Variants in RPS6KA6 observed in about 807,000 individuals in gnomAD.
The protein encoded by RPS6KA6 is ribosomal protein S6 kinase A6.
A neutral mutation model predicts 65.4 loss-of-function variants in RPS6KA6; 27 were observed. That is an observed-to-expected ratio of 0.41 (90% CI 0.30 to 0.57). RPS6KA6 has a LOEUF of 0.57. Ranked by LOEUF, RPS6KA6 falls within the 20% of genes least tolerant of loss-of-function variation. The pLI is 0.24. For missense variants in RPS6KA6, 486 were observed against 555.6 expected (o/e 0.87, Z 1.26); for synonymous variants, 190 against 184.2 (o/e 1.03, Z -0.26).
In RPS6KA6 at chrX:84,154,530, TA is replaced by T. The variant is rs760610461; in HGVS notation, c.258+1544del. Among the ~76,000 whole-genome samples, 472 of 111,488 alleles carry T rather than the reference TA, an allele frequency of 4.2e-3. 1 individual carries two copies. Among genetic ancestry groups the T allele is most frequent in the African/African-American group, 0.015 (456 of 30,729 alleles). On this transcript the variant is annotated intron_variant, in intron 3 of 21. Transcript: ENST00000262752. ...CTCTGTTCTTCTAAAATTAACACCA[TA>T]AAAATAGCTATAAAGTGCAAAATAG...
At chrX:84,123,360 G>A (rs754162382) in intron 8 of RPS6KA6, among the ~76,000 whole-genome samples, 20 of 112,849 alleles carry the variant, frequency 1.8e-4, no homozygotes, top group South Asian at 7.3e-4. Context: ...CCACAGTGGG[G>A]TAGGCCAATA....
At chrX:84,105,914 C>T (rs376350814) in intron 15 of RPS6KA6, 38 bp from the exon 16 acceptor site, 1 of 793,243 alleles carries the variant, frequency 1.3e-6, no homozygotes, top group Non-Finnish European at 1.9e-6. Flanking sequence ...CTGAGGCAAA[C>T]AAATTATTTT....
intron 12 of RPS6KA6, among the ~76,000 whole-genome samples, chrX:84,108,618 A>T (rs993315639): frequency 9.4e-6 from 1 of 106,938 alleles, no homozygotes; most frequent in Non-Finnish European, 2.0e-5. Flanking sequence ...ATTCTGCCAC[A>T]GACTTTCAAT....
rs1360623613 is a variant in RPS6KA6, at chrX:84,063,679, T to C, written c.*598A>G. ...TGAGATATAATTCTTCTATAAAAAC[T>C]TTGGCACCAACTATATCAAGAATTC... On this transcript the variant is annotated 3_prime_UTR_variant, in exon 22 of 22. Transcript: ENST00000262752. The C allele has an allele frequency of 1.8e-5, 2 of 112,026 alleles. No individual in the cohort carries two copies. The highest frequency in any genetic ancestry group is 3.8e-5 in the Non-Finnish European group (2 of 53,157). The allele number at this position is 112,026 out of a possible 1,213,427, so 9.2% of individuals were successfully genotyped here. A position where few individuals can be genotyped will look rare whatever the true frequency, so the allele number is the denominator to read the frequency against.
At chrX:84,142,099 T>G in intron 6 of RPS6KA6, among the ~76,000 whole-genome samples, 1 of 111,103 alleles carries the variant, frequency 9.0e-6, no homozygotes, top group South Asian at 3.8e-4. Flanking sequence ...ATGGAACATT[T>G]ACCAAGATAC....
chrX:84,071,633 A>T (rs1218411997), intron 20 of RPS6KA6, among the ~76,000 whole-genome samples: 2 of 110,914 alleles, frequency 1.8e-5, no homozygotes, highest in East Asian at 2.8e-4. Flanking sequence ...AATAGAGAAT[A>T]AAAAAAATGA....
At chrX:84,076,106 C>G (rs756641468) in intron 20 of RPS6KA6, among the ~76,000 whole-genome samples, 1 of 111,818 alleles carries the variant, frequency 8.9e-6, no homozygotes. Flanking sequence ...AATGCCAGTG[C>G]TCACTCAAGA....
intron 20 of RPS6KA6, 78 bp from the exon 21 acceptor site, chrX:84,065,189 G>A (rs1369169738): frequency 3.0e-6 from 2 of 661,322 alleles, no homozygotes; most frequent in Admixed American, 6.7e-5. Flanking sequence ...AAATGTGACA[G>A]CATCAATAGC....
chrX:84,097,856 AG>A lies in RPS6KA6; in HGVS notation c.1777-9del. On this transcript the variant is annotated splice_polypyrimidine_tract_variant and intron_variant, in intron 18 of 21. Transcript: ENST00000262752. Reference sequence around the variant, plus strand: ...TCCCTGTTGCATAAGAACCTAAGAAAGAAATACTCATTATATGGTGTTACTC... The same window carrying A: ...TCCCTGTTGCATAAGAACCTAAGAAAAAATACTCATTATATGGTGTTACTC... 1 of 1,137,996 alleles carries A rather than the reference AG, an allele frequency of 8.8e-7. No homozygotes were observed. The highest frequency in any genetic ancestry group is 1.8e-5 in the African/African-American group (1 of 56,349). 93.8% of individuals were successfully genotyped at this position (1,137,996 alleles called of 1,213,427 possible).
chrX:84,059,114 C>CTTTTTTTTTTTTTTTTTTT lies in RPS6KA6; in HGVS notation c.*5144_*5162dup, dbSNP rs200378989. 2 of 28,293 alleles carry CTTTTTTTTTTTTTTTTTTT rather than the reference C, an allele frequency of 7.1e-5. No homozygotes were observed. The highest frequency in any genetic ancestry group is 5.6e-4 in the Admixed American group (1 of 1,788). The allele number at this position is 28,293 out of a possible 1,213,427, so 2.3% of individuals were successfully genotyped here. A position where few individuals can be genotyped will look rare whatever the true frequency, so the allele number is the denominator to read the frequency against. ...AACTTTTTAAATGGCTGTTTCTTTTCTTTTTTTTTTTTTTTTTTTTTTTTT... is the reference window on the plus strand; with the variant it reads ...AACTTTTTAAATGGCTGTTTCTTTTCTTTTTTTTTTTTTTTTTTTTTTTTTTTTTTTTTTTTTTTTTTTT... On this transcript the variant is annotated 3_prime_UTR_variant, in exon 22 of 22. Coordinates refer to ENST00000262752, the MANE Select transcript of RPS6KA6 (RefSeq NM_014496.5).
intron 17 of RPS6KA6, among the ~76,000 whole-genome samples, chrX:84,103,440 T>C (rs73515444): frequency 0.037 from 4,085 of 111,270 alleles, 184 homozygotes; most frequent in African/African-American, 0.12. Context: ...GTACTCTCTA[T>C]TTCATGTAAG....
At chrX:84,107,092 T>C in intron 13 of RPS6KA6, 52 bp from the exon 14 acceptor site, 10 of 1,024,363 alleles carry the variant, frequency 9.8e-6, no homozygotes, top group South Asian at 7.6e-5. Flanking sequence ...AATTCTATGA[T>C]ATAAAGTGTC....
chrX:84,080,067 A>G (rs1196758133), intron 20 of RPS6KA6, among the ~76,000 whole-genome samples: 1 of 110,227 alleles, frequency 9.1e-6, no homozygotes, highest in Non-Finnish European at 1.9e-5. Flanking sequence ...AACACCTCAT[A>G]CAGGAGAGCT....
intron 8 of RPS6KA6, among the ~76,000 whole-genome samples, chrX:84,121,141 T>C (rs1020665589): frequency 2.7e-5 from 3 of 112,362 alleles, no homozygotes; most frequent in Admixed American, 9.4e-5. Flanking sequence ...CAGGAAGCGT[T>C]ACATGAGCAC....
At chrX:84,169,284 AC>A (rs1320642708) in intron 1 of RPS6KA6, among the ~76,000 whole-genome samples, 1 of 111,836 alleles carries the variant, frequency 8.9e-6, no homozygotes, top group African/African-American at 3.2e-5. Flanking sequence ...TAAAGCACTT[AC>A]AAATATGCGG....
In RPS6KA6 at chrX:84,095,647, T is replaced by C. The variant is rs550088533; in HGVS notation, c.1971+547A>G. On this transcript the variant is annotated intron_variant, in intron 20 of 21. Coordinates refer to ENST00000262752, the MANE Select transcript of RPS6KA6 (RefSeq NM_014496.5). The stretch of plus-strand genomic sequence containing the variant: ...TGGATATATTAGATTAAACAACACA[T>C]ATTATTAAATTTAATTTCACTTAAA... 1.2e-4 allele frequency among the ~76,000 whole-genome samples: 13 copies of C among 111,730 alleles called. No homozygotes were observed. The South Asian group carries it at 1.5e-3, about 13-fold the overall frequency.
At chrX:84,100,649 C>T (rs2034241482) in intron 18 of RPS6KA6, among the ~76,000 whole-genome samples, 1 of 110,669 alleles carries the variant, frequency 9.0e-6, no homozygotes, top group African/African-American at 3.3e-5. Context: ...AGAGCACTAT[C>T]TCAAATATTC....
At chrX:84,071,439 A>T (rs763522272) in intron 20 of RPS6KA6, among the ~76,000 whole-genome samples, 1 of 111,295 alleles carries the variant, frequency 9.0e-6, no homozygotes, top group Non-Finnish European at 1.9e-5. Context: ...GTAGCCCTAG[A>T]CTAAACACTA....
At position 84,160,994 on chromosome X, in the gene RPS6KA6, C is replaced by T. The variant is rs187154943; in HGVS notation, c.141+3334G>A. The stretch of plus-strand genomic sequence containing the variant: ...CACTTGGTTTGGTTTATTCTACTTA[C>T]GAGGGTCAGCTCCTTAGTTCCCTCA... On this transcript the variant is annotated intron_variant, in intron 2 of 21. Coordinates refer to ENST00000262752, the MANE Select transcript of RPS6KA6 (RefSeq NM_014496.5). Among the ~76,000 whole-genome samples, 339 of 110,672 alleles carry T rather than the reference C, an allele frequency of 3.1e-3. 1 individual carries two copies. The highest frequency in any genetic ancestry group is 0.01 in the African/African-American group (317 of 30,568).
Sources: allele counts gnomAD v4.1 joint callset (sites outside exome capture counted in the v4.1 genomes callset), GRCh38; gene constraint gnomAD v4.1.1; transcripts MANE v1.5; gene names NCBI Gene and HGNC (gene_info 2026-07-23, HGNC 2026-07-21).